The following CCDC192 variants were observed in gnomAD, a reference collection of about 807,000 sequenced individuals.
The protein encoded by CCDC192 is coiled-coil domain containing 192, also known as coiled-coil domain-containing protein 192.
At chr5:127,883,429 T>G (rs370845826) in intron 6 of CCDC192, among the ~76,000 whole-genome samples, 13 of 152,228 alleles carry the variant, frequency 8.5e-5, no homozygotes, top group African/African-American at 3.1e-4. Context: ...TCCTAAGGAG[T>G]TTTGATATTT....
intron 5 of CCDC192, among the ~76,000 whole-genome samples, chr5:127,811,839 C>A (rs1758100813): frequency 6.6e-6 from 1 of 152,168 alleles, no homozygotes; most frequent in African/African-American, 2.4e-5. Flanking sequence ...ATGCCTGTCT[C>A]TCCTCTCCCC....
intron 3 of CCDC192, among the ~76,000 whole-genome samples, chr5:127,760,427 A>G (rs940378869): frequency 2.6e-5 from 4 of 152,104 alleles, no homozygotes; most frequent in Non-Finnish European, 5.9e-5. Flanking sequence ...CTTTTTGATG[A>G]GAGGTCTGGG....
At chr5:127,866,662 T>C (rs2127116884) in intron 5 of CCDC192, among the ~76,000 whole-genome samples, 1 of 152,096 alleles carries the variant, frequency 6.6e-6, no homozygotes, top group South Asian at 2.1e-4. Context: ...CATTATTAAC[T>C]AATACCATGC....
At chr5:127,806,356 T>C (rs1435115274) in intron 5 of CCDC192, among the ~76,000 whole-genome samples, 1 of 152,090 alleles carries the variant, frequency 6.6e-6, no homozygotes, top group Non-Finnish European at 1.5e-5. Flanking sequence ...TCATTTTCTA[T>C]AGACGATGAA....
intron 6 of CCDC192, among the ~76,000 whole-genome samples, chr5:127,927,446 G>C (rs1753893058): frequency 6.6e-6 from 1 of 152,122 alleles, no homozygotes; most frequent in Non-Finnish European, 1.5e-5. Flanking sequence ...TATCCCCCGA[G>C]AATGAGTAGG....
At chr5:127,926,284 A>G (rs983818918) in intron 6 of CCDC192, among the ~76,000 whole-genome samples, 1 of 152,216 alleles carries the variant, frequency 6.6e-6, no homozygotes, top group Admixed American at 6.5e-5. Flanking sequence ...ACATAGAAGT[A>G]TGGAGTCCTC....
chr5:127,912,655 C>T (rs998357153), intron 6 of CCDC192, among the ~76,000 whole-genome samples: 2 of 152,050 alleles, frequency 1.3e-5, no homozygotes, highest in African/African-American at 4.8e-5. Flanking sequence ...TTCATTGGAG[C>T]TATTATATCC....
intron 3 of CCDC192, among the ~76,000 whole-genome samples, chr5:127,789,777 G>C (rs55779002): frequency 6.6e-6 from 1 of 152,304 alleles, no homozygotes; most frequent in East Asian, 1.9e-4. Flanking sequence ...TCTAGAAGAT[G>C]GGGGAAATGG....
intron 5 of CCDC192, among the ~76,000 whole-genome samples, chr5:127,846,963 A>G (rs1453758677): frequency 1.3e-5 from 2 of 151,708 alleles, no homozygotes; most frequent in African/African-American, 2.4e-5. Context: ...CAGCATTTCC[A>G]CAGTCCCCCT....
At position 127,715,521 on chromosome 5, in the gene CCDC192, C is replaced by A. The variant is rs248731; in HGVS notation, c.114+7761C>A. Among the ~76,000 whole-genome samples the A allele has an allele frequency of 5.9e-4, 90 of 152,040 alleles. 4 individuals carry two copies. In the South Asian group the frequency reaches 0.017, roughly 28 times the overall value. ...TATATTTAGAAGTAAGGTAGTGTGC[C>A]TCTAGCTTGGTTCTATTTTATCAAG... On this transcript the variant is annotated intron_variant, in intron 2 of 6. Transcript: ENST00000514853.
intron 6 of CCDC192, among the ~76,000 whole-genome samples, chr5:127,936,721 A>G (rs774195445): frequency 9.9e-5 from 15 of 152,162 alleles, no homozygotes; most frequent in Non-Finnish European, 2.1e-4. Context: ...TCTTGTTGCA[A>G]TCTCTGGGTT....
chr5:127,798,196 TTA>T, intron 5 of CCDC192, 34 bp downstream of exon 5: 1 of 398,108 alleles, frequency 2.5e-6, no homozygotes, highest in Non-Finnish European at 4.4e-6. Flanking sequence ...ATCCCTTTAT[TTA>T]TGTCATTGTT....
At chr5:127,815,178 A>G (rs1325622258) in intron 5 of CCDC192, among the ~76,000 whole-genome samples, 1 of 152,218 alleles carries the variant, frequency 6.6e-6, no homozygotes, top group Admixed American at 6.5e-5. Flanking sequence ...GTGTATTAAT[A>G]GACTGTGTGA....
chr5:127,716,072 A>G (rs1465434413), intron 2 of CCDC192, among the ~76,000 whole-genome samples: 1 of 152,076 alleles, frequency 6.6e-6, no homozygotes, highest in African/African-American at 2.4e-5. Context: ...TTCTATACCA[A>G]ATTTGTTGAG....
chr5:127,731,546 C>CT (rs1752640098), intron 2 of CCDC192, among the ~76,000 whole-genome samples: 1 of 152,174 alleles, frequency 6.6e-6, no homozygotes, highest in Non-Finnish European at 1.5e-5. Context: ...AAAAAAGAGC[C>CT]TGTATAGCCA....
At chr5:127,781,537 G>A (rs574308137) in intron 3 of CCDC192, among the ~76,000 whole-genome samples, 5 of 148,036 alleles carry the variant, frequency 3.4e-5, no homozygotes, top group South Asian at 2.1e-4. Context: ...CCTTGTGCAC[G>A]TCTTTCACCT....
At chr5:127,760,527 C>A (rs138954479) in intron 3 of CCDC192, among the ~76,000 whole-genome samples, 6 of 151,492 alleles carry the variant, frequency 4.0e-5, no homozygotes, top group African/African-American at 1.2e-4. Flanking sequence ...CAGATGCTAA[C>A]CCAGATCTTC....
intron 2 of CCDC192, among the ~76,000 whole-genome samples, chr5:127,710,016 T>C (rs915997711): frequency 6.6e-5 from 10 of 152,334 alleles, no homozygotes; most frequent in South Asian, 2.1e-4. Context: ...CTTTAGGATT[T>C]CTGCCAAGGG....
At chr5:127,799,269 C>G (rs866057454) in intron 5 of CCDC192, among the ~76,000 whole-genome samples, 1 of 152,122 alleles carries the variant, frequency 6.6e-6, no homozygotes, top group Non-Finnish European at 1.5e-5. Flanking sequence ...TAATTGTCCC[C>G]ATTTTTGTGC....
Sources: gnomAD v4.1 joint callset for allele counts (sites outside exome capture counted in the v4.1 genomes callset) on GRCh38, gnomAD v4.1.1 for gene constraint, MANE v1.5 for transcripts, NCBI Gene and HGNC (gene_info 2026-07-23, HGNC 2026-07-21) for gene names.